PALLD: variants seen among roughly 807,000 people sequenced by gnomAD.
PALLD encodes palladin, cytoskeletal associated protein.
PALLD carries 61 observed loss-of-function variants against 123.5 expected under a neutral mutation model. That is an observed-to-expected ratio of 0.49 (90% CI 0.40 to 0.61). PALLD has a LOEUF of 0.61. PALLD is among the 20% of genes least tolerant of loss of function. The probability of loss-of-function intolerance (pLI) is 0.00; values close to 1 mark genes in which losing one functional copy is unlikely to be tolerated. For missense variants in PALLD, 1,273 were observed against 1,377.0 expected (o/e 0.92, Z 1.20); for synonymous variants, 465 against 496.4 (o/e 0.94, Z 0.84).
rs542637678 is a variant in PALLD, at chr4:168,571,595, C to T, written c.908+59183C>T. Among the ~76,000 whole-genome samples, 5 of 152,248 alleles carry T rather than the reference C, an allele frequency of 3.3e-5. No individual in the cohort carries two copies. In the East Asian group the frequency reaches 5.8e-4, roughly 18 times the overall value. ...CCAAAATGTGTTACTTTTCACAGAT[C>T]GAGAATTTGTAAAACTATAGAAGTC... On this transcript the variant is annotated intron_variant, in intron 2 of 21. Coordinates refer to ENST00000505667, the MANE Select transcript of PALLD (RefSeq NM_001166108.2).
chr4:168,557,235 G>A (rs1346532415), intron 2 of PALLD, among the ~76,000 whole-genome samples: 1 of 151,998 alleles, frequency 6.6e-6, no homozygotes, highest in Non-Finnish European at 1.5e-5. Flanking sequence ...GTAGAGATGG[G>A]GTTTCACCAT....
intron 10 of PALLD, among the ~76,000 whole-genome samples, chr4:168,871,628 A>G (rs1426069031): frequency 6.6e-6 from 1 of 152,246 alleles, no homozygotes; most frequent in East Asian, 1.9e-4. Flanking sequence ...ATCAACTAAT[A>G]TCTTCCTGCT....
At chr4:168,852,290 G>A (rs960777264) in intron 10 of PALLD, among the ~76,000 whole-genome samples, 1 of 152,104 alleles carries the variant, frequency 6.6e-6, no homozygotes, top group Non-Finnish European at 1.5e-5. Flanking sequence ...GTACTTGCTG[G>A]CTTCATGTGG....
intron 10 of PALLD, among the ~76,000 whole-genome samples, chr4:168,760,913 T>A (rs544648897): frequency 1.3e-5 from 2 of 152,292 alleles, no homozygotes; most frequent in East Asian, 3.9e-4. Flanking sequence ...TCTCAAGAAG[T>A]ATGGATGGCT....
chr4:168,534,694 C>A (rs901632118), intron 2 of PALLD, among the ~76,000 whole-genome samples: 1 of 152,170 alleles, frequency 6.6e-6, no homozygotes, highest in Admixed American at 6.5e-5. Flanking sequence ...TGCTTCTAAT[C>A]ATTTATTACC....
intron 1 of PALLD, among the ~76,000 whole-genome samples, chr4:168,504,041 A>AC (rs1437841692): frequency 1.3e-5 from 2 of 152,144 alleles, no homozygotes; most frequent in Non-Finnish European, 2.9e-5. Context: ...TAACTGAGTT[A>AC]TTTTTTACTC....
intron 10 of PALLD, among the ~76,000 whole-genome samples, chr4:168,746,053 C>T (rs1017457630): frequency 4.6e-5 from 7 of 152,136 alleles, no homozygotes; most frequent in Non-Finnish European, 8.8e-5. Context: ...CAGATTTGAG[C>T]TCCACCTTAT....
chr4:168,630,544 A>G (rs531828390), intron 2 of PALLD, among the ~76,000 whole-genome samples: 1 of 152,338 alleles, frequency 6.6e-6, no homozygotes, highest in East Asian at 1.9e-4. Flanking sequence ...TTCACTTCAA[A>G]AAATACTGTT....
chr4:168,664,523 C>T (rs1261436134), intron 2 of PALLD, among the ~76,000 whole-genome samples: 1 of 152,058 alleles, frequency 6.6e-6, no homozygotes, highest in Non-Finnish European at 1.5e-5. Flanking sequence ...GTTTTTTGTT[C>T]TCCACCTCAG....
chr4:168,551,757 G>T (rs887500570), intron 2 of PALLD, among the ~76,000 whole-genome samples: 1 of 151,856 alleles, frequency 6.6e-6, no homozygotes, highest in African/African-American at 2.4e-5. Flanking sequence ...TAGTGAACTG[G>T]CTTGGAGGTA....
At chr4:168,900,308 C>T (rs1226440049) in intron 14 of PALLD, among the ~76,000 whole-genome samples, 2 of 151,922 alleles carry the variant, frequency 1.3e-5, no homozygotes, top group Non-Finnish European at 2.9e-5. Context: ...AGTCATAGTA[C>T]AAGAAACAGA....
chr4:168,647,262 G>A (rs1226708831), intron 2 of PALLD, among the ~76,000 whole-genome samples: 2 of 152,108 alleles, frequency 1.3e-5, no homozygotes, highest in African/African-American at 2.4e-5. Context: ...GGTCTAGTTA[G>A]GATCTAGTAA....
intron 2 of PALLD, among the ~76,000 whole-genome samples, chr4:168,623,602 G>A (rs1487575061): frequency 6.6e-6 from 1 of 152,222 alleles, no homozygotes; most frequent in Non-Finnish European, 1.5e-5. Context: ...AGGAAGCCCT[G>A]TACAAGAGAG....
chr4:168,693,834 C>A (rs1782880757), intron 8 of PALLD, among the ~76,000 whole-genome samples: 1 of 152,118 alleles, frequency 6.6e-6, no homozygotes, highest in South Asian at 2.1e-4. Flanking sequence ...AGGAAATCAG[C>A]CGTTGGCATG....
In PALLD at chr4:168,631,855, G is replaced by A. The variant is rs947386059; in HGVS notation, c.909-36335G>A. 2.0e-5 allele frequency: 20 copies of A among 985,422 alleles called. No individual in the cohort carries two copies. The Admixed American group carries it at 1.2e-3, about 58-fold the overall frequency. 61.0% of individuals were successfully genotyped at this position (985,422 alleles called of 1,614,324 possible). ...AGCGAGATCTGAAAGACCCCCAAGA[G>A]GAGCTTGTTTGGGAGTGGGGGCAGA... On this transcript the variant is annotated intron_variant, in intron 2 of 21. Transcript: ENST00000505667.
At chr4:168,765,605 G>A (rs749706971) in intron 10 of PALLD, among the ~76,000 whole-genome samples, 4 of 152,170 alleles carry the variant, frequency 2.6e-5, no homozygotes, top group African/African-American at 7.2e-5. Context: ...ACTGGGTTCC[G>A]GTTTTATAAG....
At chr4:168,559,886 AAAAG>A (rs1477184672) in intron 2 of PALLD, among the ~76,000 whole-genome samples, 1 of 152,074 alleles carries the variant, frequency 6.6e-6, no homozygotes, top group African/African-American at 2.4e-5. Context: ...CCGGGTCTCA[AAAAG>A]AAAGAAAGAG....
chr4:168,660,162 A>T (rs754197679), intron 2 of PALLD, among the ~76,000 whole-genome samples: 13 of 152,328 alleles, frequency 8.5e-5, no homozygotes, highest in African/African-American at 2.2e-4. Context: ...CAAGAGAAAG[A>T]TATTAGTAGA....
At chr4:168,804,996 T>C (rs1390736850) in intron 10 of PALLD, among the ~76,000 whole-genome samples, 2 of 151,944 alleles carry the variant, frequency 1.3e-5, no homozygotes, top group East Asian at 3.9e-4. Context: ...CCATCTCTAC[T>C]AAAAATACAA....
Sources: gnomAD v4.1 joint callset for allele counts (sites outside exome capture counted in the v4.1 genomes callset) on GRCh38, gnomAD v4.1.1 for gene constraint, MANE v1.5 for transcripts, NCBI Gene and HGNC (gene_info 2026-07-23, HGNC 2026-07-21) for gene names.